The following TLL1 variants were observed in gnomAD, a reference collection of about 807,000 sequenced individuals.
TLL1 encodes tolloid-like protein 1.
Under a neutral mutation model 128.2 loss-of-function variants are expected in TLL1, and 49 were observed. That is an observed-to-expected ratio of 0.38 (90% CI 0.30 to 0.48). The LOEUF (loss-of-function observed/expected upper bound fraction) is 0.48, where lower values mean the gene tolerates loss of function less well. Among genes scored for constraint, TLL1 ranks in the 20% least tolerant of loss-of-function variants. The pLI is 0.96. For missense variants in TLL1, 1,123 were observed against 1,242.0 expected, an observed-to-expected ratio of 0.90 and a Z score of 1.44; for synonymous variants, 454 against 418.8, an observed-to-expected ratio of 1.08 and a Z score of -1.03.
chr4:166,001,382 A>T (rs933908672), intron 5 of TLL1, among the ~76,000 whole-genome samples: 7 of 152,134 alleles, frequency 4.6e-5, no homozygotes, highest in African/African-American at 1.7e-4. Context: ...CTGTGTGCTC[A>T]GTCTTTCCCA....
chr4:166,062,761 T>C, intron 15 of TLL1, among the ~76,000 whole-genome samples: 2 of 152,156 alleles, frequency 1.3e-5, no homozygotes, highest in East Asian at 1.9e-4. Context: ...CTATGTTGAA[T>C]AGGAGTGGTG....
intron 6 of TLL1, among the ~76,000 whole-genome samples, chr4:166,004,317 T>C (rs1737310534): frequency 6.6e-6 from 1 of 152,160 alleles, no homozygotes; most frequent in South Asian, 2.1e-4. Context: ...TTTTATTTTC[T>C]TATTCATGAT....
chr4:165,994,859 A>G (rs1425053107), intron 4 of TLL1, among the ~76,000 whole-genome samples: 5 of 152,174 alleles, frequency 3.3e-5, no homozygotes, highest in Admixed American at 1.3e-4. Context: ...ATTTGTAGAG[A>G]TAGTGAGCTT....
intron 1 of TLL1, among the ~76,000 whole-genome samples, chr4:165,899,698 G>A (rs971199095): frequency 2.0e-5 from 3 of 152,160 alleles, no homozygotes; most frequent in East Asian, 3.8e-4. Context: ...TGCATATTCT[G>A]TTGATCTGGG....
At chr4:165,987,681 TC>T (rs1336631377) in intron 1 of TLL1, among the ~76,000 whole-genome samples, 1 of 152,120 alleles carries the variant, frequency 6.6e-6, no homozygotes, top group Admixed American at 6.6e-5. Flanking sequence ...TCTATTTTCT[TC>T]CTTTCTAGAT....
chr4:165,957,370 A>G (rs944270067), intron 1 of TLL1, among the ~76,000 whole-genome samples: 3 of 152,116 alleles, frequency 2.0e-5, no homozygotes, highest in Non-Finnish European at 4.4e-5. Context: ...TTCTAGACCT[A>G]TGAAAAAATG....
At chr4:165,914,832 C>T (rs1301236135) in intron 1 of TLL1, among the ~76,000 whole-genome samples, 4 of 152,174 alleles carry the variant, frequency 2.6e-5, no homozygotes, top group Non-Finnish European at 5.9e-5. Context: ...AACAAATCTG[C>T]CCTCTGCTGT....
chr4:166,092,885 A>G (rs997401439), intron 19 of TLL1, among the ~76,000 whole-genome samples: 1 of 152,124 alleles, frequency 6.6e-6, no homozygotes, highest in Non-Finnish European at 1.5e-5. Flanking sequence ...TGAAAAGATC[A>G]TTTCTTCAGA....
chr4:166,016,025 A>C (rs997242441), intron 8 of TLL1, among the ~76,000 whole-genome samples: 2 of 151,990 alleles, frequency 1.3e-5, no homozygotes, highest in African/African-American at 4.8e-5. Flanking sequence ...TTGTGTATAA[A>C]TATATGTCTG....
At chr4:165,883,196 G>A (rs1253609287) in intron 1 of TLL1, among the ~76,000 whole-genome samples, 3 of 152,162 alleles carry the variant, frequency 2.0e-5, no homozygotes, top group Non-Finnish European at 2.9e-5. Flanking sequence ...TGAATGGCAC[G>A]TGTAGCTGAG....
chr4:165,999,156 CTG>C (rs1560800902), intron 5 of TLL1, among the ~76,000 whole-genome samples: 1 of 152,152 alleles, frequency 6.6e-6, no homozygotes. Context: ...TCCCTCCAAA[CTG>C]TACCAACCAC....
intron 12 of TLL1, among the ~76,000 whole-genome samples, chr4:166,048,246 A>G (rs1403204536): frequency 6.6e-6 from 1 of 151,630 alleles, no homozygotes; most frequent in African/African-American, 2.4e-5. Context: ...CGGAAAAAAA[A>G]AAAAAAAAAA....
intron 18 of TLL1, among the ~76,000 whole-genome samples, chr4:166,086,488 G>C (rs1015710515): frequency 5.9e-5 from 9 of 152,082 alleles, no homozygotes; most frequent in Admixed American, 1.3e-4. Flanking sequence ...GGGTCAAGGT[G>C]GTTGCAATTG....
rs1303448536 is a variant in TLL1, at chr4:166,102,550, T to C, written c.*1674T>C. The stretch of plus-strand genomic sequence containing the variant: ...TCAATCCCATTAAAAAAAGGCTCTT[T>C]CCTTTAGAGAAACTCTATTTTGATG... On this transcript the variant is annotated 3_prime_UTR_variant, in exon 21 of 21. Coordinates refer to ENST00000061240, the MANE Select transcript of TLL1 (RefSeq NM_012464.5). 6.6e-6 allele frequency: 1 copy of C among 152,264 alleles called. No individual in the cohort carries two copies. The highest frequency in any genetic ancestry group is 1.5e-5 in the Non-Finnish European group (1 of 67,884). The allele number at this position is 152,264 out of a possible 1,614,324, so 9.4% of individuals were successfully genotyped here.
chr4:166,074,834 T>G (rs1313756390), intron 16 of TLL1, 44 bp from the exon 17 acceptor site: 2 of 1,609,876 alleles, frequency 1.2e-6, no homozygotes, highest in Non-Finnish European at 1.7e-6. Context: ...TATCCTCTGT[T>G]TTTAAAGTTA....
At chr4:165,959,258 G>A (rs542231530) in intron 1 of TLL1, among the ~76,000 whole-genome samples, 80 of 152,134 alleles carry the variant, frequency 5.3e-4, no homozygotes, top group East Asian at 1.7e-3. Flanking sequence ...GAAAGTCATC[G>A]GTAGCTTGAT....
chr4:166,026,125 C>T (rs1365521519), intron 9 of TLL1, among the ~76,000 whole-genome samples: 1 of 152,168 alleles, frequency 6.6e-6, no homozygotes, highest in African/African-American at 2.4e-5. Context: ...AGGTGGCTCA[C>T]GCCTGTAATC....
At chr4:165,990,837 G>T (rs1365972123) in intron 2 of TLL1, among the ~76,000 whole-genome samples, 1 of 151,980 alleles carries the variant, frequency 6.6e-6, no homozygotes, top group East Asian at 1.9e-4. Flanking sequence ...GGGTGCTTTG[G>T]TGTTTGTTAT....
intron 1 of TLL1, among the ~76,000 whole-genome samples, chr4:165,988,321 A>G (rs1006712780): frequency 2.0e-5 from 3 of 152,138 alleles, no homozygotes; most frequent in South Asian, 2.1e-4. Context: ...TAAAAAAGAT[A>G]GAGTCAGACT....
Sources: gnomAD v4.1 joint callset for allele counts (sites outside exome capture counted in the v4.1 genomes callset) on GRCh38, gnomAD v4.1.1 for gene constraint, MANE v1.5 for transcripts, NCBI Gene and HGNC (gene_info 2026-07-23, HGNC 2026-07-21) for gene names.